Variants in FREM2 observed in about 807,000 individuals in gnomAD.
The protein encoded by FREM2 is FRAS1-related extracellular matrix protein 2.
In FREM2, 119 loss-of-function variants were observed where a neutral mutation model predicts 219.9. The observed-to-expected ratio is 0.54, with a 90% CI of 0.47 to 0.63. The LOEUF (loss-of-function observed/expected upper bound fraction) is 0.63, where lower values mean the gene tolerates loss of function less well. Among genes scored for constraint, FREM2 ranks in the 30% least tolerant of loss-of-function variants. FREM2 has a pLI of 0.00. For synonymous variants in FREM2, 1,562 were observed against 1,522.8 expected (o/e 1.03, Z -0.60); for missense variants, 4,030 against 3,993.6 (o/e 1.01, Z -0.25).
intron 16 of FREM2, among the ~76,000 whole-genome samples, chr13:38,870,131 T>G (rs1409272767): frequency 6.6e-6 from 1 of 152,238 alleles, no homozygotes; most frequent in Non-Finnish European, 1.5e-5. Context: ...GCCTCTTTTT[T>G]ACTATGTATT....
At chr13:38,779,898 G>T (rs893465803) in intron 4 of FREM2, among the ~76,000 whole-genome samples, 1 of 152,140 alleles carries the variant, frequency 6.6e-6, no homozygotes, top group African/African-American at 2.4e-5. Context: ...GGCCTCCGGG[G>T]CCCACACTCC....
chr13:38,698,976 A>G (rs952185291), intron 2 of FREM2, among the ~76,000 whole-genome samples: 14 of 152,162 alleles, frequency 9.2e-5, no homozygotes, highest in Non-Finnish European at 2.9e-5. Context: ...TATTCTACGT[A>G]TTGATGAAAG....
intron 11 of FREM2, among the ~76,000 whole-genome samples, chr13:38,854,643 A>G (rs549808958): frequency 1.3e-5 from 2 of 152,210 alleles, no homozygotes; most frequent in African/African-American, 4.8e-5. Context: ...CAAGAACTGT[A>G]AGTTCTCTCA....
intron 2 of FREM2, among the ~76,000 whole-genome samples, chr13:38,753,674 CTGAATGTTGTAAATGAGAGTTCATGT>C (rs1347149028): frequency 6.6e-6 from 1 of 152,166 alleles, no homozygotes; most frequent in Non-Finnish European, 1.5e-5. Flanking sequence ...ATCCAATAAC[CTGAATGTTGTAAATGAGAGTTCATGT>C]TGCAGTTATG....
intron 6 of FREM2, among the ~76,000 whole-genome samples, chr13:38,820,327 C>T (rs964358741): frequency 6.6e-6 from 1 of 152,048 alleles, no homozygotes; most frequent in African/African-American, 2.4e-5. Flanking sequence ...CTGCCTGATT[C>T]CCATCTCTTC....
In FREM2 at chr13:38,885,847, A is replaced by T. The variant is rs1878707342; in HGVS notation, c.*5060A>T. On this transcript the variant is annotated 3_prime_UTR_variant, in exon 24 of 24. Coordinates refer to ENST00000280481, the MANE Select transcript of FREM2 (RefSeq NM_207361.6). ...TACTTTGATGGTTTAATTAAGAATA[A>T]TAAGTCAAATATCACATGTATGTAG... 1 of 152,242 alleles carries T rather than the reference A, an allele frequency of 6.6e-6. No homozygotes were observed. Among genetic ancestry groups the T allele is most frequent in the Non-Finnish European group, 1.5e-5 (1 of 68,028 alleles). 9.4% of individuals were successfully genotyped at this position (152,242 alleles called of 1,614,324 possible).
Position 38,851,070 on chromosome 13 carries a change from A to C in FREM2, c.6704A>C (p.Gln2235Pro). The C allele has an allele frequency of 6.2e-7, 1 of 1,614,038 alleles. No homozygotes were observed. Among genetic ancestry groups the C allele is most frequent in the Non-Finnish European group, 8.5e-7 (1 of 1,179,980 alleles). ...CCCTTTGGGGCTGCAGTTGGTGAAC[A>C]AAATGAAACTCTCATAAGGATCCGA... The part of the protein sequence containing the change: ...NSPFGAAVGE[Q>P]NETLIRIRDD... The change falls in exon 10 of 24, where the codon CAA becomes CCA. Residue 2235 changes from glutamine (Q) to proline (P), a missense_variant. This residue lies in a region of FREM2 where 3,102 missense variants were observed against 2,950.7 expected (regional missense o/e 1.05). Coordinates refer to ENST00000280481, the MANE Select transcript of FREM2 (RefSeq NM_207361.6).
intron 6 of FREM2, among the ~76,000 whole-genome samples, chr13:38,845,076 C>CT (rs148702159): frequency 0.12 from 18,779 of 152,148 alleles, 1,393 homozygotes; most frequent in Admixed American, 0.21. Context: ...TTATCACCCC[C>CT]GAACCAAAAT....
At chr13:38,733,968 G>GA (rs1225637304) in intron 2 of FREM2, among the ~76,000 whole-genome samples, 1 of 151,888 alleles carries the variant, frequency 6.6e-6, no homozygotes, top group African/African-American at 2.4e-5. Context: ...GCATAAGCCA[G>GA]AAAAAAATAG....
chr13:38,758,801 A>G (rs542630306), intron 2 of FREM2, among the ~76,000 whole-genome samples: 2 of 152,298 alleles, frequency 1.3e-5, no homozygotes, highest in East Asian at 3.9e-4. Flanking sequence ...ATTGATTTGG[A>G]TGGTAGCTGC....
intron 6 of FREM2, among the ~76,000 whole-genome samples, chr13:38,813,518 CCTCTCTCTCTCTCTCTCT>C (rs869095846): frequency 1.3e-4 from 1 of 7,802 alleles, no homozygotes; most frequent in African/African-American, 3.0e-4. Context: ...CTCTCTCTCT[CCTCTCTCTCTCTCTCTCT>C]CTCTCTCTCT....
At chr13:38,848,747 A>G in intron 8 of FREM2, 77 bp downstream of exon 8, 2 of 1,243,136 alleles carry the variant, frequency 1.6e-6, no homozygotes, top group African/African-American at 3.0e-5. Context: ...ATGATAAGCA[A>G]GATGATTATA....
At chr13:38,738,565 CAAAAAAAAAAAAAA>C (rs71074478) in intron 2 of FREM2, among the ~76,000 whole-genome samples, 1 of 48,466 alleles carries the variant, frequency 2.1e-5, no homozygotes, top group East Asian at 6.6e-4. Flanking sequence ...GACTCCATCT[CAAAAAAAAAAAAAA>C]AAAAAAAAAA....
intron 6 of FREM2, among the ~76,000 whole-genome samples, chr13:38,845,572 A>T (rs1188166526): frequency 6.6e-6 from 1 of 152,196 alleles, no homozygotes; most frequent in Non-Finnish European, 1.5e-5. Flanking sequence ...ATTCTGGGTG[A>T]TATAATTTAT....
intron 2 of FREM2, among the ~76,000 whole-genome samples, chr13:38,722,241 A>G (rs980431011): frequency 3.9e-5 from 6 of 151,950 alleles, no homozygotes; most frequent in Non-Finnish European, 7.4e-5. Flanking sequence ...AAAAATTAAT[A>G]CAGAGATGGG....
At chr13:38,779,084 C>T (rs987245023) in intron 4 of FREM2, among the ~76,000 whole-genome samples, 2 of 152,020 alleles carry the variant, frequency 1.3e-5, no homozygotes, top group African/African-American at 4.8e-5. Context: ...TACTAAAACT[C>T]ATCTTAAAAA....
chr13:38,689,854 T>A lies in FREM2; in HGVS notation c.2510T>A (p.Phe837Tyr). 1 of 1,614,090 alleles carries A rather than the reference T, an allele frequency of 6.2e-7. No individual in the cohort carries two copies. Among genetic ancestry groups the A allele is most frequent in the Non-Finnish European group, 8.5e-7 (1 of 1,180,030 alleles). ...CCACCTGAGATCCTCAACACCGGCTTCACTATTCAGGAGAAGGGTCACCAC... is the reference window on the plus strand; with the variant it reads ...CCACCTGAGATCCTCAACACCGGCTACACTATTCAGGAGAAGGGTCACCAC... ...NQPPEILNTG[F>Y]TIQEKGHHIL... Residue 837 changes from phenylalanine (F) to tyrosine (Y), a missense_variant, in exon 1 of 24, where the codon TTC becomes TAC. Coordinates refer to ENST00000280481, the MANE Select transcript of FREM2 (RefSeq NM_207361.6).
intron 2 of FREM2, among the ~76,000 whole-genome samples, chr13:38,719,362 A>C (rs1871133310): frequency 6.6e-6 from 1 of 152,194 alleles, no homozygotes; most frequent in African/African-American, 2.4e-5. Flanking sequence ...CTGAGATTAC[A>C]GGCATGCACC....
intron 6 of FREM2, among the ~76,000 whole-genome samples, chr13:38,826,966 A>G (rs9576628): frequency 0.22 from 33,936 of 151,998 alleles, 4,211 homozygotes; most frequent in East Asian, 0.45. Context: ...AACATATTCT[A>G]ATTTTCTCTT....
Sources: gnomAD v4.1 joint callset for allele counts (sites outside exome capture counted in the v4.1 genomes callset) on GRCh38, gnomAD v4.1.1 for gene constraint, gnomAD v4.1.1 regional missense constraint, MANE v1.5 for transcripts, NCBI Gene and HGNC (gene_info 2026-07-23, HGNC 2026-07-21) for gene names.